The following ETV5 variants were observed in gnomAD, a reference collection of about 807,000 sequenced individuals.
ETV5 encodes ETS translocation variant 5.
ETV5 carries 10 observed loss-of-function variants against 70.0 expected under a neutral mutation model. The observed-to-expected ratio is 0.14, with a 90% CI of 0.09 to 0.24. The LOEUF (loss-of-function observed/expected upper bound fraction) is 0.24, where lower values mean the gene tolerates loss of function less well. ETV5 is among the 10% of genes least tolerant of loss of function. ETV5 has a pLI of 1.00. For synonymous variants in ETV5, 216 were observed against 242.2 expected (o/e 0.89, Z 1.01); for missense variants, 453 against 651.2 (o/e 0.70, Z 3.31).
intron 1 of ETV5, 144 bp from the exon 2 acceptor site, chr3:186,106,086 C>T (rs2108446801): frequency 1.6e-6 from 1 of 606,866 alleles, no homozygotes. Context: ...GCAAGCTTTA[C>T]ACACCAATGC....
At chr3:186,099,634 AT>A (rs576582239) in intron 5 of ETV5, among the ~76,000 whole-genome samples, 314 of 152,200 alleles carry the variant, frequency 2.1e-3, no homozygotes, top group African/African-American at 7.2e-3. Context: ...ACCAAGAAAC[AT>A]TTTTTTCTAG....
chr3:186,103,392 A>G (rs1714509964), intron 5 of ETV5, among the ~76,000 whole-genome samples: 1 of 152,210 alleles, frequency 6.6e-6, no homozygotes, highest in Non-Finnish European at 1.5e-5. Flanking sequence ...CCCTTGCTTC[A>G]GCACATGCAA....
intron 9 of ETV5, among the ~76,000 whole-genome samples, chr3:186,059,361 G>A (rs557252147): frequency 2.6e-5 from 4 of 152,274 alleles, no homozygotes; most frequent in Middle Eastern, 3.4e-3. Flanking sequence ...GTAGCCAGGC[G>A]AATGTAGACT....
chr3:186,100,203 G>C (rs1315765303), intron 5 of ETV5, among the ~76,000 whole-genome samples: 1 of 152,178 alleles, frequency 6.6e-6, no homozygotes. Flanking sequence ...TCTCCTCCAT[G>C]TTTTCCTCAC....
At chr3:186,103,620 A>AACACACACACACACACACACACACAC (rs10534124) in intron 5 of ETV5, among the ~76,000 whole-genome samples, 17 of 142,972 alleles carry the variant, frequency 1.2e-4, no homozygotes, top group African/African-American at 1.8e-4. Context: ...TCATCTTGCA[A>AACACACACACACACACACACACACAC]ACACACACAC....
At chr3:186,049,495 G>T (rs1712971430) in intron 12 of ETV5, among the ~76,000 whole-genome samples, 1 of 152,168 alleles carries the variant, frequency 6.6e-6, no homozygotes, top group Non-Finnish European at 1.5e-5. Context: ...TGTGGCTGAT[G>T]AGACATCTGC....
At position 186,071,837 on chromosome 3, in the gene ETV5, G is replaced by A. The variant is rs375348466; in HGVS notation, c.651-5765C>T. ...CGTTGACATGGAGTGTCGCTCTGTCGTCCAGGCTGGAGTTCAGTGGCGCGA... is the reference window on the plus strand; with the variant it reads ...CGTTGACATGGAGTGTCGCTCTGTCATCCAGGCTGGAGTTCAGTGGCGCGA... On this transcript the variant is annotated intron_variant, in intron 7 of 12. Transcript: ENST00000306376. Among the ~76,000 whole-genome samples, 107 of 151,474 alleles carry A rather than the reference G, an allele frequency of 7.1e-4. 2 individuals carry two copies. The highest frequency in any genetic ancestry group is 1.1e-3 in the African/African-American group (45 of 41,476).
intron 7 of ETV5, among the ~76,000 whole-genome samples, chr3:186,078,661 C>A (rs1171524906): frequency 1.3e-5 from 2 of 152,012 alleles, no homozygotes; most frequent in African/African-American, 4.8e-5. Flanking sequence ...CAGATGAGTC[C>A]CCGGTGGCAA....
At chr3:186,064,316 A>G in intron 9 of ETV5, 101 bp downstream of exon 9, 1 of 1,148,828 alleles carries the variant, frequency 8.7e-7, no homozygotes, top group South Asian at 1.3e-5. Context: ...TCAAGCAAAG[A>G]AAGAGGAAGG....
At chr3:186,055,170 G>T (rs1560044770) in intron 11 of ETV5, among the ~76,000 whole-genome samples, 1 of 152,210 alleles carries the variant, frequency 6.6e-6, no homozygotes, top group African/African-American at 2.4e-5. Flanking sequence ...ATCATAACCA[G>T]GTTTACCTGC....
chr3:186,055,802 A>G (rs1450412628), intron 11 of ETV5, among the ~76,000 whole-genome samples: 1 of 152,192 alleles, frequency 6.6e-6, no homozygotes, highest in African/African-American at 2.4e-5. Flanking sequence ...CTGGTGTGCT[A>G]AAGCGAGCCC....
At chr3:186,107,489 T>C (rs1209078770) in intron 1 of ETV5, among the ~76,000 whole-genome samples, 1 of 152,032 alleles carries the variant, frequency 6.6e-6, no homozygotes, top group Non-Finnish European at 1.5e-5. Context: ...CATGATGAAA[T>C]ACTTCACCCG....
At chr3:186,107,792 C>A (rs191484684) in intron 1 of ETV5, among the ~76,000 whole-genome samples, 74 of 152,132 alleles carry the variant, frequency 4.9e-4, no homozygotes, top group Non-Finnish European at 7.9e-4. Context: ...GCGGCCGCCA[C>A]ATCAGGTAGA....
chr3:186,084,324 A>G (rs1360198039), intron 5 of ETV5: 2 of 395,510 alleles, frequency 5.1e-6, no homozygotes, highest in African/African-American at 4.3e-5. Flanking sequence ...TTGAGCTAAT[A>G]AACATCTTCT....
rs759474829 is a variant in ETV5, at chr3:186,065,871, G to A, written c.852C>T (p.His284=). 2.6e-5 allele frequency: 42 copies of A among 1,614,058 alleles called. No homozygotes were observed. The highest frequency in any genetic ancestry group is 1.3e-4 in the East Asian group (6 of 44,858). The part of the protein sequence containing the change: ...GVPGMPGPPA[H]GFQSPMGIKQ... The stretch of plus-strand genomic sequence containing the variant: ...TGATTCCCATTGGTGACTGGAACCC[G>A]TGTGCTGGGGGCCCTGGCATGCCCG... The change falls in exon 8 of 13, where the codon CAC becomes CAT. Residue 284 remains histidine, a synonymous_variant. Coordinates refer to ENST00000306376, the MANE Select transcript of ETV5 (RefSeq NM_004454.3).
intron 7 of ETV5, among the ~76,000 whole-genome samples, chr3:186,066,887 C>T (rs1713459575): frequency 6.6e-6 from 1 of 152,206 alleles, no homozygotes; most frequent in Non-Finnish European, 1.5e-5. Context: ...AAGTATATTC[C>T]AAAATTTACT....
chr3:186,095,952 C>T (rs564366443), intron 5 of ETV5, among the ~76,000 whole-genome samples: 9 of 152,198 alleles, frequency 5.9e-5, no homozygotes, highest in Non-Finnish European at 8.8e-5. Flanking sequence ...GCGCTGTGGC[C>T]GAGGCGGGAC....
At chr3:186,108,773 G>C (rs1260617072) in intron 1 of ETV5, 167 bp downstream of exon 1, 3 of 586,118 alleles carry the variant, frequency 5.1e-6, no homozygotes, top group Non-Finnish European at 7.2e-6. Context: ...AAACCGGACC[G>C]GGCCGCGGGG....
intron 5 of ETV5, among the ~76,000 whole-genome samples, chr3:186,086,254 C>T (rs1346769177): frequency 6.6e-6 from 1 of 152,226 alleles, no homozygotes; most frequent in African/African-American, 2.4e-5. Context: ...TATTGCCTTG[C>T]AGACAACCAT....
Sources: gnomAD v4.1 joint callset for allele counts (sites outside exome capture counted in the v4.1 genomes callset) on GRCh38, gnomAD v4.1.1 for gene constraint, MANE v1.5 for transcripts, NCBI Gene and HGNC (gene_info 2026-07-23, HGNC 2026-07-21) for gene names.